PTPRD: variants seen among roughly 807,000 people sequenced by gnomAD.
The protein encoded by PTPRD is protein tyrosine phosphatase receptor type D.
A neutral mutation model predicts 214.5 loss-of-function variants in PTPRD; 34 were observed. The ratio of observed to expected loss-of-function variants is 0.16; its 90% CI spans 0.12 to 0.21. PTPRD has a LOEUF of 0.21. PTPRD is among the 10% of genes least tolerant of loss of function. The pLI is 1.00. For synonymous variants in PTPRD, 1,128 were observed against 845.7 expected (o/e 1.33, Z -5.79); for missense variants, 2,545 against 2,398.7 (o/e 1.06, Z -1.27).
At chr9:9,211,587 T>TAAG (rs1325508259) in intron 9 of PTPRD, among the ~76,000 whole-genome samples, 3 of 148,326 alleles carry the variant, frequency 2.0e-5, no homozygotes, top group Admixed American at 1.4e-4. Context: ...TCAATGATAT[T>TAAG]AAGAAGTTAA....
intron 4 of PTPRD, among the ~76,000 whole-genome samples, chr9:9,998,730 C>G (rs1475167820): frequency 6.6e-6 from 1 of 152,150 alleles, no homozygotes; most frequent in Non-Finnish European, 1.5e-5. Flanking sequence ...TAACGTCTCT[C>G]TCCAGGCACA....
At chr9:9,718,870 C>T (rs531065038) in intron 7 of PTPRD, among the ~76,000 whole-genome samples, 21 of 152,256 alleles carry the variant, frequency 1.4e-4, no homozygotes, top group East Asian at 3.9e-4. Context: ...TGTTGACCCT[C>T]GGCAAAGACA....
chr9:8,336,840 CAT>C (rs768120831), intron 43 of PTPRD, among the ~76,000 whole-genome samples: 25 of 152,048 alleles, frequency 1.6e-4, no homozygotes, highest in Non-Finnish European at 2.8e-4. Flanking sequence ...GGCAGACAAA[CAT>C]ATGAAAAAAT....
At chr9:9,860,909 A>C (rs975774982) in intron 5 of PTPRD, among the ~76,000 whole-genome samples, 1 of 152,242 alleles carries the variant, frequency 6.6e-6, no homozygotes, top group Admixed American at 6.5e-5. Context: ...TGTGAATCTG[A>C]AAACTGGCAA....
At chr9:8,964,492 CT>C (rs2099179271) in intron 11 of PTPRD, among the ~76,000 whole-genome samples, 1 of 151,606 alleles carries the variant, frequency 6.6e-6, no homozygotes, top group Non-Finnish European at 1.5e-5. Context: ...CCTGTTTATC[CT>C]TTTAAAGAAC....
intron 11 of PTPRD, among the ~76,000 whole-genome samples, chr9:8,891,514 A>G (rs1315440658): frequency 1.3e-5 from 2 of 151,804 alleles, no homozygotes; most frequent in Admixed American, 6.6e-5. Flanking sequence ...ATGCTAATAC[A>G]TTAAAGAGCC....
At chr9:9,509,758 G>T (rs377677156) in intron 8 of PTPRD, among the ~76,000 whole-genome samples, 19 of 151,152 alleles carry the variant, frequency 1.3e-4, no homozygotes, top group African/African-American at 4.1e-4. Flanking sequence ...CTGGCTTTCA[G>T]TAACAGTTGC....
rs2058152592 is a variant in PTPRD at position 10,537,694 on chromosome 9, G to GTTCCATATCCAT, written c.-600+74703_-600+74704insATGGATATGGAA. On this transcript the variant is annotated intron_variant, in intron 2 of 45. Transcript: ENST00000381196. ...CTCCTTCAGTGAACACTCCTTCAGT[G>GTTCCATATCCAT]AGTTTCTGATTATATCCATATTTAT... Among the ~76,000 whole-genome samples, 7 of 152,054 alleles carry GTTCCATATCCAT rather than the reference G, an allele frequency of 4.6e-5. No homozygotes were observed. The South Asian group carries it at 1.5e-3, about 32-fold the overall frequency.
chr9:9,754,942 G>T (rs965795785), intron 6 of PTPRD, among the ~76,000 whole-genome samples: 1 of 151,978 alleles, frequency 6.6e-6, no homozygotes, highest in Non-Finnish European at 1.5e-5. Context: ...TGCAAAGCAG[G>T]TTAGACTTTA....
chr9:9,536,791 C>G (rs1207345181), intron 8 of PTPRD, among the ~76,000 whole-genome samples: 1 of 152,164 alleles, frequency 6.6e-6, no homozygotes, highest in African/African-American at 2.4e-5. Context: ...AAAGCCCCTT[C>G]TCATTTAACT....
chr9:9,679,266 A>G (rs1263590997), intron 7 of PTPRD, among the ~76,000 whole-genome samples: 1 of 151,572 alleles, frequency 6.6e-6, no homozygotes, highest in Non-Finnish European at 1.5e-5. Context: ...CTCCCTTCAC[A>G]CACAAGCGCT....
At chr9:8,505,217 A>C (rs577756395) in intron 22 of PTPRD, among the ~76,000 whole-genome samples, 94 of 152,350 alleles carry the variant, frequency 6.2e-4, no homozygotes, top group African/African-American at 2.2e-3. Flanking sequence ...AATCTTGAAC[A>C]TCAGCCTGCA....
chr9:8,974,546 G>C (rs1338035853), intron 11 of PTPRD, among the ~76,000 whole-genome samples: 1 of 151,880 alleles, frequency 6.6e-6, no homozygotes, highest in African/African-American at 2.4e-5. Flanking sequence ...ACTTTTCGAA[G>C]GCCAAGGAGC....
intron 34 of PTPRD, among the ~76,000 whole-genome samples, chr9:8,444,256 C>T (rs1405220637): frequency 6.6e-6 from 1 of 152,126 alleles, no homozygotes; most frequent in Non-Finnish European, 1.5e-5. Context: ...ATAGAACTGA[C>T]TACCATCATT....
chr9:10,523,622 T>TATATATATATATATATATATATAGAG (rs554367559), intron 2 of PTPRD, among the ~76,000 whole-genome samples: 1 of 131,384 alleles, frequency 7.6e-6, no homozygotes, highest in African/African-American at 2.8e-5. Context: ...TATATATATA[T>TATATATATATATATATATATATAGAG]AGACAGAAAG....
At chr9:8,385,124 A>G (rs2086529564) in intron 37 of PTPRD, among the ~76,000 whole-genome samples, 2 of 152,224 alleles carry the variant, frequency 1.3e-5, no homozygotes, top group Admixed American at 1.3e-4. Flanking sequence ...TGAAACTTCT[A>G]ATACCTGCTA....
intron 4 of PTPRD, among the ~76,000 whole-genome samples, chr9:9,962,003 G>T (rs546175455): frequency 6.6e-6 from 1 of 152,006 alleles, no homozygotes; most frequent in African/African-American, 2.4e-5. Flanking sequence ...GAATTTCATA[G>T]AAAATAACTT....
At chr9:8,576,549 T>G (rs1280095836) in intron 14 of PTPRD, among the ~76,000 whole-genome samples, 2 of 151,950 alleles carry the variant, frequency 1.3e-5, no homozygotes, top group Non-Finnish European at 2.9e-5. Flanking sequence ...TGTGTAGTTC[T>G]CTTTTTGTGT....
intron 11 of PTPRD, among the ~76,000 whole-genome samples, chr9:9,013,427 A>T (rs1295222598): frequency 2.0e-5 from 3 of 152,166 alleles, no homozygotes; most frequent in Non-Finnish European, 4.4e-5. Flanking sequence ...ATAGACTTCA[A>T]ATATGGAAGG....
Sources: gnomAD v4.1 joint callset for allele counts (sites outside exome capture counted in the v4.1 genomes callset) on GRCh38, gnomAD v4.1.1 for gene constraint, MANE v1.5 for transcripts, NCBI Gene and HGNC (gene_info 2026-07-23, HGNC 2026-07-21) for gene names.